STXBP5L: variants seen among roughly 807,000 people sequenced by gnomAD.
The protein encoded by STXBP5L is syntaxin-binding protein 5-like.
In STXBP5L, 65 loss-of-function variants were observed where a neutral mutation model predicts 144.5. That is an observed-to-expected ratio of 0.45 (90% CI 0.37 to 0.55). The LOEUF (loss-of-function observed/expected upper bound fraction) is 0.55, where lower values mean the gene tolerates loss of function less well. Ranked by LOEUF, STXBP5L falls within the 20% of genes least tolerant of loss-of-function variation. The pLI is 0.00. For synonymous variants in STXBP5L, 505 were observed against 469.6 expected (o/e 1.08, Z -0.97); for missense variants, 1,298 against 1,405.5 (o/e 0.92, Z 1.22).
chr3:121,157,453 A>G (rs945875327), intron 8 of STXBP5L, 51 bp from the exon 9 acceptor site: 3 of 1,511,700 alleles, frequency 2.0e-6, no homozygotes, highest in African/African-American at 2.9e-5. Flanking sequence ...AGAATGATAT[A>G]ACCTATCTAC....
intron 3 of STXBP5L, among the ~76,000 whole-genome samples, chr3:120,978,488 G>A (rs552717618): frequency 6.6e-6 from 1 of 152,108 alleles, no homozygotes; most frequent in South Asian, 2.1e-4. Context: ...CCTTTGGTTT[G>A]AATTTCCTCC....
chr3:121,181,101 G>A (rs2047129493), intron 9 of STXBP5L, among the ~76,000 whole-genome samples: 1 of 127,094 alleles, frequency 7.9e-6, no homozygotes, highest in Admixed American at 9.5e-5. Context: ...ACTCTGTCTT[G>A]AAAAGAAAAG....
At chr3:121,210,960 C>T (rs2048539750) in intron 10 of STXBP5L, among the ~76,000 whole-genome samples, 1 of 152,018 alleles carries the variant, frequency 6.6e-6, no homozygotes, top group African/African-American at 2.4e-5. Context: ...TTTTTCAATT[C>T]TGTGAAGAAA....
chr3:120,976,536 C>G (rs1253814402), intron 3 of STXBP5L, among the ~76,000 whole-genome samples: 1 of 152,088 alleles, frequency 6.6e-6, no homozygotes, highest in Non-Finnish European at 1.5e-5. Flanking sequence ...TTTTATGTCT[C>G]TATCTCCTTC....
At chr3:121,418,585 C>A in intron 26 of STXBP5L, 28 bp downstream of exon 26, 1 of 1,604,240 alleles carries the variant, frequency 6.2e-7, no homozygotes, top group Non-Finnish European at 8.5e-7. Context: ...ATACAGACAT[C>A]TTCATACAGG....
intron 19 of STXBP5L, among the ~76,000 whole-genome samples, chr3:121,300,621 A>G (rs1045556068): frequency 2.0e-5 from 3 of 152,182 alleles, no homozygotes; most frequent in African/African-American, 7.2e-5. Flanking sequence ...AACAACCATT[A>G]AAGAAAATAA....
chr3:121,034,378 C>A (rs1205525688), intron 3 of STXBP5L, among the ~76,000 whole-genome samples: 1 of 152,090 alleles, frequency 6.6e-6, no homozygotes, highest in Non-Finnish European at 1.5e-5. Context: ...ATAAGTGAGA[C>A]TGTAATATTT....
At chr3:121,221,436 G>T (rs530656831) in intron 10 of STXBP5L, among the ~76,000 whole-genome samples, 1 of 151,470 alleles carries the variant, frequency 6.6e-6, no homozygotes, top group Non-Finnish European at 1.5e-5. Context: ...AAATAGATAC[G>T]TATGGCCTTT....
At chr3:120,955,388 G>A (rs1387546241) in intron 3 of STXBP5L, among the ~76,000 whole-genome samples, 1 of 151,802 alleles carries the variant, frequency 6.6e-6, no homozygotes, top group Non-Finnish European at 1.5e-5. Flanking sequence ...CGATTTCATT[G>A]AATTCTGCTT....
intron 11 of STXBP5L, among the ~76,000 whole-genome samples, chr3:121,227,525 C>T (rs577452632): frequency 8.5e-5 from 13 of 152,202 alleles, no homozygotes; most frequent in South Asian, 6.2e-4. Flanking sequence ...GAAGCTGCAG[C>T]GATCTATGAT....
chr3:121,400,152 A>G (rs2046836166), intron 22 of STXBP5L, among the ~76,000 whole-genome samples: 1 of 152,222 alleles, frequency 6.6e-6, no homozygotes, highest in Non-Finnish European at 1.5e-5. Context: ...TTTGTAAGTA[A>G]AGACCAATGA....
intron 2 of STXBP5L, among the ~76,000 whole-genome samples, chr3:120,934,079 AGTTTTC>A (rs1404925186): frequency 1.5e-5 from 2 of 134,828 alleles, no homozygotes; most frequent in Admixed American, 7.5e-5. Context: ...TTCTTTCCCT[AGTTTTC>A]TTTTTCTTTT....
chr3:121,279,982 T>G, intron 19 of STXBP5L, 26 bp downstream of exon 19: 1 of 1,606,244 alleles, frequency 6.2e-7, no homozygotes, highest in South Asian at 1.1e-5. Flanking sequence ...AGATGAGTTA[T>G]GAACTTGATT....
At chr3:121,260,774 C>A (rs2050358576) in intron 18 of STXBP5L, among the ~76,000 whole-genome samples, 1 of 152,000 alleles carries the variant, frequency 6.6e-6, no homozygotes, top group African/African-American at 2.4e-5. Context: ...CAAGAGAATG[C>A]CTTGAAACCA....
intron 7 of STXBP5L, among the ~76,000 whole-genome samples, chr3:121,125,617 A>G (rs961500556): frequency 2.0e-5 from 3 of 152,176 alleles, no homozygotes; most frequent in African/African-American, 7.2e-5. Context: ...TTGATACAGC[A>G]TTGAGTGAAT....
At chr3:121,319,985 T>A (rs1239333387) in intron 20 of STXBP5L, among the ~76,000 whole-genome samples, 1 of 152,278 alleles carries the variant, frequency 6.6e-6, no homozygotes, top group South Asian at 2.1e-4. Context: ...TTTTAAAAGT[T>A]TTTTAAAGAT....
At chr3:121,031,087 G>C (rs541837096) in intron 3 of STXBP5L, among the ~76,000 whole-genome samples, 3 of 152,036 alleles carry the variant, frequency 2.0e-5, no homozygotes, top group Non-Finnish European at 4.4e-5. Context: ...GAAGGAAAAG[G>C]CTGAAAGATA....
intron 3 of STXBP5L, among the ~76,000 whole-genome samples, chr3:121,014,453 T>C (rs1447965638): frequency 6.6e-6 from 1 of 152,040 alleles, no homozygotes; most frequent in Non-Finnish European, 1.5e-5. Flanking sequence ...TTCAGCATAA[T>C]GATTTAATCT....
chr3:121,387,016 CA>C (rs2046443732), intron 22 of STXBP5L, among the ~76,000 whole-genome samples: 1 of 152,176 alleles, frequency 6.6e-6, no homozygotes, highest in Non-Finnish European at 1.5e-5. Flanking sequence ...TTTACACTCC[CA>C]CCAACAGTGT....
Sources: allele counts gnomAD v4.1 joint callset (sites outside exome capture counted in the v4.1 genomes callset), GRCh38; gene constraint gnomAD v4.1.1; transcripts MANE v1.5; gene names NCBI Gene and HGNC (gene_info 2026-07-23, HGNC 2026-07-21).